CAMSAP3: variants seen among roughly 807,000 people sequenced by gnomAD.
CAMSAP3 encodes the protein calmodulin-regulated spectrin-associated protein 3.
Under a neutral mutation model 112.5 loss-of-function variants are expected in CAMSAP3, and 34 were observed. That is an observed-to-expected ratio of 0.30 (90% CI 0.23 to 0.40). CAMSAP3 has a LOEUF of 0.40. CAMSAP3 is among the 10% of genes least tolerant of loss of function. The probability of loss-of-function intolerance (pLI) is 1.00; values close to 1 mark genes in which losing one functional copy is unlikely to be tolerated. For missense variants in CAMSAP3, 1,602 were observed against 1,770.3 expected, an observed-to-expected ratio of 0.90 and a Z score of 1.71; for synonymous variants, 868 against 799.8, an observed-to-expected ratio of 1.09 and a Z score of -1.44.
At position 7,611,152 on chromosome 19, in the gene CAMSAP3, A is replaced by G; in HGVS notation, c.1107A>G (p.Pro369=). The G allele has an allele frequency of 6.2e-7, 1 of 1,613,166 alleles. No homozygotes were observed. Among genetic ancestry groups the G allele is most frequent in the East Asian group, 2.2e-5 (1 of 44,862 alleles). Residue 369 remains proline (P), a synonymous_variant, in exon 9 of 17, where the codon CCA becomes CCG. Coordinates refer to ENST00000160298, the MANE Select transcript of CAMSAP3 (RefSeq NM_020902.2). This position sits in a 1 kb window ranked among gnomAD's most constrained non-coding sequence, Gnocchi z 6.9. ...PLLSSGGPQS[P]LRGSTGSLKS... ...TGTCATCTGGTGGCCCCCAGTCCCCACTCCGAGGATCCACAGGTGAGGAGG... is the reference window on the plus strand; with the variant it reads ...TGTCATCTGGTGGCCCCCAGTCCCCGCTCCGAGGATCCACAGGTGAGGAGG...
At chr19:7,608,091 C>T (rs1165916332) in intron 4 of CAMSAP3, 35 bp from the exon 5 acceptor site, 1 of 1,597,278 alleles carries the variant, frequency 6.3e-7, no homozygotes, top group Non-Finnish European at 8.5e-7. Context: ...TGGGGGCCAG[C>T]CTGGCCACTC....
chr19:7,613,485 G>T (rs748146784), intron 11 of CAMSAP3, among the ~76,000 whole-genome samples: 31 of 150,854 alleles, frequency 2.1e-4, no homozygotes, highest in Non-Finnish European at 4.4e-5. Context: ...GTGCAGTGGG[G>T]TGAGAGGTCC....
chr19:7,611,046 CGGA>C lies in CAMSAP3; in HGVS notation c.1050-40_1050-38del, dbSNP rs778729212. On this transcript the variant is annotated intron_variant, in intron 8 of 16. Transcript: ENST00000160298. This position sits in a 1 kb window ranked among gnomAD's most constrained non-coding sequence, Gnocchi z 6.9. ...GCTGTTGTCTCCCCCCGGGGAGAGG[CGGA>C]GGAGGAGGTGGGGGTCCTGAGGCTG... 1.2e-6 allele frequency: 2 copies of C among 1,604,260 alleles called. No individual in the cohort carries two copies. The highest frequency in any genetic ancestry group is 1.7e-6 in the Non-Finnish European group (2 of 1,171,924).
In CAMSAP3 at chr19:7,617,313, T is replaced by G. The variant is rs898617105; in HGVS notation, c.3213-13T>G. On this transcript the variant is annotated splice_polypyrimidine_tract_variant and intron_variant, in intron 14 of 16. Coordinates refer to ENST00000160298, the MANE Select transcript of CAMSAP3 (RefSeq NM_020902.2). The surrounding 1 kb of genome is among the most constrained non-coding windows in gnomAD (Gnocchi z 7.5). ...CCTGACCCCACCTCCATCCCATCCTTCTCCCACTGCAGGGCTCCCTCCCCG... is the reference window on the plus strand; with the variant it reads ...CCTGACCCCACCTCCATCCCATCCTGCTCCCACTGCAGGGCTCCCTCCCCG... 1 of 1,596,974 alleles carries G rather than the reference T, an allele frequency of 6.3e-7. No individual in the cohort carries two copies. Among genetic ancestry groups the G allele is most frequent in the East Asian group, 2.2e-5 (1 of 44,782 alleles).
At position 7,616,635 on chromosome 19, in the gene CAMSAP3, C is replaced by T. The variant is rs377512549; in HGVS notation, c.3212+13C>T. On this transcript the variant is annotated intron_variant, in intron 14 of 16. Coordinates refer to ENST00000160298, the MANE Select transcript of CAMSAP3 (RefSeq NM_020902.2). ...GGCCCACGTCTCGGTGAGTTTAGCC[C>T]GCACAGGCGGGGTTCGTATGCCGGG... 2.4e-4 allele frequency: 389 copies of T among 1,592,484 alleles called. No homozygotes were observed. Among genetic ancestry groups the T allele is most frequent in the Middle Eastern group, 8.3e-4 (5 of 6,046 alleles).
chr19:7,610,447 T>A lies in CAMSAP3; in HGVS notation c.761-29T>A. 6.3e-7 allele frequency: 1 copy of A among 1,589,868 alleles called. No individual in the cohort carries two copies. Among genetic ancestry groups the A allele is most frequent in the South Asian group, 1.1e-5 (1 of 87,054 alleles). On this transcript the variant is annotated intron_variant, in intron 5 of 16. Coordinates refer to ENST00000160298, the MANE Select transcript of CAMSAP3 (RefSeq NM_020902.2). This position sits in a 1 kb window ranked among gnomAD's most constrained non-coding sequence, Gnocchi z 4.9. ...GGGCCCCATCCTCCTCCTCATAGAG[T>A]TGGGGACCCACTCCTCCTGTCCCCA...
Position 7,615,180 on chromosome 19 carries a change from C to A in CAMSAP3, c.2671-3C>A. ...GCTGGCTGGACTCGGCGTCTGTCCCCAGGATGAAGACAAGCCTGAGGACGA... is the reference window on the plus strand; with the variant it reads ...GCTGGCTGGACTCGGCGTCTGTCCCAAGGATGAAGACAAGCCTGAGGACGA... On this transcript the variant is annotated splice_region_variant and splice_polypyrimidine_tract_variant and intron_variant, in intron 11 of 16. Transcript: ENST00000160298. This position sits in a 1 kb window ranked among gnomAD's most constrained non-coding sequence, Gnocchi z 6.5. The A allele has an allele frequency of 6.4e-7, 1 of 1,554,676 alleles. No individual in the cohort carries two copies. Among genetic ancestry groups the A allele is most frequent in the Non-Finnish European group, 8.7e-7 (1 of 1,149,494 alleles).
intron 5 of CAMSAP3, among the ~76,000 whole-genome samples, chr19:7,609,317 CAAA>C (rs3032314): frequency 9.2e-5 from 9 of 98,152 alleles, no homozygotes; most frequent in Admixed American, 4.1e-4. Context: ...GACTCCATCT[CAAA>C]AAAAAAAAAA....
chr19:7,614,908 C>T (rs1249384094), intron 11 of CAMSAP3: 4 of 562,870 alleles, frequency 7.1e-6, no homozygotes, highest in South Asian at 6.1e-5. Flanking sequence ...GTGCCCAACA[C>T]GAGCTTTTGC....
intron 1 of CAMSAP3, among the ~76,000 whole-genome samples, chr19:7,599,412 C>T (rs1470532568): frequency 2.8e-5 from 4 of 142,208 alleles, no homozygotes; most frequent in Admixed American, 7.1e-5. Context: ...ATTCATTCAT[C>T]CATCCATCCA....
Position 7,611,341 on chromosome 19 carries a change from G to A in CAMSAP3, c.1123+173G>A, listed in dbSNP as rs149150539. On this transcript the variant is annotated intron_variant, in intron 9 of 16. Transcript: ENST00000160298. The surrounding 1 kb of genome is among the most constrained non-coding windows in gnomAD (Gnocchi z 6.9). ...CTCCCCAGTGGCCCCACAGTACCCC[G>A]TAGTGACAGTAAATGGCCCCGGGTA... Among the ~76,000 whole-genome samples, 239 of 152,262 alleles carry A rather than the reference G, an allele frequency of 1.6e-3. No homozygotes were observed. Among genetic ancestry groups the A allele is most frequent in the African/African-American group, 5.4e-3 (223 of 41,534 alleles).
rs754308415 is a variant in CAMSAP3 at position 7,617,376 on chromosome 19, G to A, written c.3263G>A (p.Arg1088His). 1.4e-5 allele frequency: 22 copies of A among 1,614,078 alleles called. No homozygotes were observed. The highest frequency in any genetic ancestry group is 1.7e-5 in the Admixed American group (1 of 60,024). ...TCCCCAAGCCGCCTGCCTGGAAGCC[G>A]CGAACGGGACTGGGAAAATGGCAGC... ...LMSPSRLPGS[R>H]ERDWENGSNA... Residue 1088 changes from arginine to histidine, a missense_variant, in exon 15 of 17, where the codon CGC becomes CAC. Arg to His is a conservative substitution (Grantham distance 29). Coordinates refer to ENST00000160298, the MANE Select transcript of CAMSAP3 (RefSeq NM_020902.2). The surrounding 1 kb of genome is among the most constrained non-coding windows in gnomAD (Gnocchi z 7.5).
chr19:7,605,147 G>GGT (rs56244737), intron 1 of CAMSAP3, 79 bp from the exon 2 acceptor site: 77,066 of 622,236 alleles, frequency 0.12, 1,568 homozygotes, highest in Admixed American at 0.22. Context: ...CGGGCCATGT[G>GGT]GTGTGTGTGT....
chr19:7,609,230 A>C (rs1421423019), intron 5 of CAMSAP3, among the ~76,000 whole-genome samples: 1 of 151,192 alleles, frequency 6.6e-6, no homozygotes, highest in African/African-American at 2.4e-5. Context: ...AGGCAGGAGA[A>C]TCGCTTGAAC....
intron 13 of CAMSAP3, 136 bp from the exon 14 acceptor site, chr19:7,616,387 C>G (rs1002539796): frequency 1.5e-6 from 1 of 663,968 alleles, no homozygotes; most frequent in Non-Finnish European, 2.7e-6. Flanking sequence ...GGGGTCCCCC[C>G]ATAGGGGTGC....
Position 7,610,758 on chromosome 19 carries a change from A to T in CAMSAP3, c.959A>T (p.Asp320Val). 6.2e-7 allele frequency: 1 copy of T among 1,613,830 alleles called. No individual in the cohort carries two copies. Among genetic ancestry groups the T allele is most frequent in the Admixed American group, 1.7e-5 (1 of 60,020 alleles). ...ATGTGTTTTGAGGTGCTCAAGCCCG[A>T]CTTTGTGCAAGTGAAGGACTTGCCC... Reference protein sequence around the residue: ...LFMCFEVLKPDFVQVKDLPDG... With the variant: ...LFMCFEVLKPVFVQVKDLPDG... The change falls in exon 7 of 17, where the codon GAC (aspartate) becomes GTC (valine). Residue 320 changes from aspartate (D) to valine (V), a missense_variant. Coordinates refer to ENST00000160298, the MANE Select transcript of CAMSAP3 (RefSeq NM_020902.2). The surrounding 1 kb of genome is among the most constrained non-coding windows in gnomAD (Gnocchi z 4.9).
rs1396307940 is a variant in CAMSAP3 at position 7,595,950 on chromosome 19, C to G, written c.-53C>G. ...GGCTGGGGCGCGAGCGCGGCGCAGC[C>G]CAGCCCAGCCCAGTCCGAGCGCGGA... On this transcript the variant is annotated 5_prime_UTR_variant, in exon 1 of 17. Transcript: ENST00000160298. 1 of 894,344 alleles carries G rather than the reference C, an allele frequency of 1.1e-6. No homozygotes were observed. The highest frequency in any genetic ancestry group is 4.8e-5 in the South Asian group (1 of 21,046). The allele number at this position is 894,344 out of a possible 1,614,324, so 55.4% of individuals were successfully genotyped here.
In CAMSAP3 at chr19:7,612,492, C is replaced by G; in HGVS notation, c.1999C>G (p.Pro667Ala). The G allele has an allele frequency of 6.5e-7, 1 of 1,550,294 alleles. No homozygotes were observed. The highest frequency in any genetic ancestry group is 8.7e-7 in the Non-Finnish European group (1 of 1,150,086). ...CGGTCCAGTCCCTGGTGGGGAGCGG[C>G]CCGCAGGCGAGGGCCAGGGTGAGCC... The part of the protein sequence containing the change: ...DSGPVPGGER[P>A]AGEGQGEPTS... Residue 667 changes from proline (P) to alanine (A), a missense_variant, in exon 11 of 17, where the codon CCC becomes GCC. Pro to Ala is a conservative substitution (Grantham distance 27). Transcript: ENST00000160298.
chr19:7,616,689 G>A (rs998276795), intron 14 of CAMSAP3, 67 bp downstream of exon 14: 1 of 1,176,034 alleles, frequency 8.5e-7, no homozygotes, highest in Non-Finnish European at 1.3e-6. Flanking sequence ...GAGGTGTGTG[G>A]GCATCTGGGT....
Sources: gnomAD v4.1 joint callset for allele counts (sites outside exome capture counted in the v4.1 genomes callset) on GRCh38, gnomAD v4.1.1 for gene constraint, Gnocchi (gnomAD v3.1) non-coding constraint, MANE v1.5 for transcripts, NCBI Gene and HGNC (gene_info 2026-07-23, HGNC 2026-07-21) for gene names.